The following PSMA8 variants were observed in gnomAD, a reference collection of about 807,000 sequenced individuals.
PSMA8 encodes proteasome 20S subunit alpha 8, also known as proteasome subunit alpha-type 8.
A neutral mutation model predicts 32.4 loss-of-function variants in PSMA8; 18 were observed. That is an observed-to-expected ratio of 0.56 (90% confidence interval 0.38 to 0.82). PSMA8 has a LOEUF of 0.82. Among genes scored for constraint, PSMA8 ranks in the 40% least tolerant of loss-of-function variants. The pLI is 0.00. For synonymous variants in PSMA8, 104 were observed against 98.1 expected, an observed-to-expected ratio of 1.06 and a Z score of -0.36; for missense variants, 298 against 300.7, an observed-to-expected ratio of 0.99 and a Z score of 0.07.
At chr18:26,152,727 A>G (rs542848064) in intron 3 of PSMA8, among the ~76,000 whole-genome samples, 51 of 152,262 alleles carry the variant, frequency 3.3e-4, no homozygotes, top group African/African-American at 1.2e-3. Context: ...AGAGGTGGGG[A>G]CTAATGGGAG....
At position 26,151,859 on chromosome 18, in the gene PSMA8, AC is replaced by A; in HGVS notation, c.232del (p.Thr79LeufsTer6). On this transcript the variant is annotated frameshift_variant and splice_region_variant, in exon 3 of 7. Transcript: ENST00000415576. LOFTEE classifies it high-confidence loss of function. ...DDHVCMAFAG[L>X]TADARVVINR... Reference sequence around the variant, plus strand: ...GTGAAGTTTTGACAATTTTTATAGGACTTACTGCTGATGCTAGAGTAGTAAT... The same window carrying A: ...GTGAAGTTTTGACAATTTTTATAGGATTACTGCTGATGCTAGAGTAGTAAT... 1 of 1,596,930 alleles carries A rather than the reference AC, an allele frequency of 6.3e-7. No homozygotes were observed.
At chr18:26,138,972 G>A (rs1423683403) in intron 1 of PSMA8, among the ~76,000 whole-genome samples, 1 of 152,126 alleles carries the variant, frequency 6.6e-6, no homozygotes, top group Non-Finnish European at 1.5e-5. Flanking sequence ...ACTTGCTGAG[G>A]TTGAGATGCT....
intron 2 of PSMA8, among the ~76,000 whole-genome samples, chr18:26,149,167 T>G (rs1352793204): frequency 1.3e-5 from 2 of 152,028 alleles, no homozygotes; most frequent in African/African-American, 4.8e-5. Flanking sequence ...GTACTGACAA[T>G]GAACCGTCAG....
At chr18:26,139,186 C>G (rs2054934990) in intron 1 of PSMA8, among the ~76,000 whole-genome samples, 1 of 152,216 alleles carries the variant, frequency 6.6e-6, no homozygotes, top group African/African-American at 2.4e-5. Flanking sequence ...TTCATCCTTA[C>G]TCGCTGTTTT....
intron 3 of PSMA8, among the ~76,000 whole-genome samples, chr18:26,154,665 G>A (rs2055072725): frequency 6.6e-6 from 1 of 152,182 alleles, no homozygotes; most frequent in Non-Finnish European, 1.5e-5. Context: ...CCAGGCTGGA[G>A]TGCAGTGGTG....
intron 1 of PSMA8, among the ~76,000 whole-genome samples, chr18:26,137,842 C>T (rs1847797097): frequency 6.6e-6 from 1 of 152,096 alleles, no homozygotes; most frequent in African/African-American, 2.4e-5. Flanking sequence ...ACTATAGGAA[C>T]CCCAGGTGTT....
chr18:26,139,720 G>T (rs2054939673), intron 1 of PSMA8, among the ~76,000 whole-genome samples: 1 of 152,118 alleles, frequency 6.6e-6, no homozygotes, highest in Non-Finnish European at 1.5e-5. Context: ...AATGACCTTT[G>T]TAATTACCTT....
intron 4 of PSMA8, among the ~76,000 whole-genome samples, chr18:26,172,686 TAAAAA>T (rs1046353288): frequency 6.8e-6 from 1 of 148,100 alleles, no homozygotes; most frequent in African/African-American, 2.5e-5. Flanking sequence ...TACATTCTCT[TAAAAA>T]AAAAAGAAAA....
chr18:26,142,291 G>A (rs1430466722), intron 1 of PSMA8, among the ~76,000 whole-genome samples: 2 of 151,718 alleles, frequency 1.3e-5, no homozygotes, highest in Non-Finnish European at 2.9e-5. Flanking sequence ...CACCCACCTC[G>A]GCCTCCCCAA....
chr18:26,173,966 GCTGT>G (rs1233988059), intron 4 of PSMA8, among the ~76,000 whole-genome samples: 1 of 151,880 alleles, frequency 6.6e-6, no homozygotes, highest in African/African-American at 2.4e-5. Flanking sequence ...ATAACATAAT[GCTGT>G]CTACTTGATT....
In PSMA8 at chr18:26,178,945, T is replaced by C; in HGVS notation, c.593T>C (p.Leu198Pro). Residue 198 changes from leucine (L) to proline (P), a missense_variant, in exon 5 of 7, where the codon CTA becomes CCA. Coordinates refer to ENST00000415576, the MANE Select transcript of PSMA8 (RefSeq NM_001025096.2). ...ATCAAGTTAGCAATAAAAGCTTTGCTAGAAGTAAGTGATCTAATAAAGCAT... is the reference window on the plus strand; with the variant it reads ...ATCAAGTTAGCAATAAAAGCTTTGCCAGAAGTAAGTGATCTAATAAAGCAT... ...EAIKLAIKAL[L>P]EVVQSGGKNI... 1.2e-6 allele frequency: 2 copies of C among 1,612,640 alleles called. No homozygotes were observed. Among genetic ancestry groups the C allele is most frequent in the Non-Finnish European group, 1.7e-6 (2 of 1,179,598 alleles).
chr18:26,138,570 C>T (rs545552501), intron 1 of PSMA8, among the ~76,000 whole-genome samples: 5 of 152,298 alleles, frequency 3.3e-5, no homozygotes, highest in Admixed American at 1.3e-4. Flanking sequence ...AAAGGAATGC[C>T]ACATTCAGAC....
chr18:26,160,291 T>G (rs2055125284), intron 4 of PSMA8, among the ~76,000 whole-genome samples: 1 of 152,124 alleles, frequency 6.6e-6, no homozygotes, highest in Non-Finnish European at 1.5e-5. Context: ...AGTGACAGAG[T>G]GAGACCCTGT....
intron 4 of PSMA8, among the ~76,000 whole-genome samples, chr18:26,163,235 ATATATATATATATAT>A (rs2055151502): frequency 8.1e-6 from 1 of 123,142 alleles, no homozygotes. Context: ...ATATATATAT[ATATATATATATATAT>A]ATATATATAT....
At chr18:26,162,594 G>A (rs532689114) in intron 4 of PSMA8, among the ~76,000 whole-genome samples, 40 of 152,168 alleles carry the variant, frequency 2.6e-4, no homozygotes, top group Non-Finnish European at 3.7e-4. Flanking sequence ...GGCTGGGCGC[G>A]GTGTCTCATG....
intron 6 of PSMA8, among the ~76,000 whole-genome samples, chr18:26,186,584 A>T (rs2055357155): frequency 1.3e-5 from 2 of 152,184 alleles, no homozygotes; most frequent in Non-Finnish European, 2.9e-5. Context: ...TAAGTTACTA[A>T]GAAGTAAATA....
chr18:26,188,924 C>G (rs1488485431), intron 6 of PSMA8, among the ~76,000 whole-genome samples: 1 of 152,140 alleles, frequency 6.6e-6, no homozygotes, highest in Admixed American at 6.5e-5. Context: ...GGACATTGGT[C>G]TGCGCAAAAT....
chr18:26,162,482 ATT>A (rs1486971860), intron 4 of PSMA8, among the ~76,000 whole-genome samples: 1 of 152,188 alleles, frequency 6.6e-6, no homozygotes, highest in Non-Finnish European at 1.5e-5. Context: ...CATTTGGCCA[ATT>A]ACATTAAATT....
chr18:26,179,684 A>G (rs1016208802), intron 6 of PSMA8, among the ~76,000 whole-genome samples: 1 of 152,176 alleles, frequency 6.6e-6, no homozygotes, highest in Non-Finnish European at 1.5e-5. Context: ...ACTATTGTTC[A>G]TTAGGTAGAA....
Sources: allele counts gnomAD v4.1 joint callset (sites outside exome capture counted in the v4.1 genomes callset), GRCh38; gene constraint gnomAD v4.1.1; transcripts MANE v1.5; gene names NCBI Gene and HGNC (gene_info 2026-07-23, HGNC 2026-07-21).